The following ATG4C variants were observed in gnomAD, a reference collection of about 807,000 sequenced individuals.
ATG4C encodes the protein cysteine protease ATG4C.
ATG4C carries 56 observed loss-of-function variants against 57.6 expected under a neutral mutation model. That is an observed-to-expected ratio of 0.97 (90% CI 0.78 to 1.21). The LOEUF (loss-of-function observed/expected upper bound fraction) is 1.21. Among genes scored for constraint, ATG4C ranks in the 50% most tolerant of loss-of-function variants. ATG4C has a pLI of 0.00. For synonymous variants in ATG4C, 157 were observed against 174.1 expected (o/e 0.90, Z 0.78); for missense variants, 595 against 529.8 (o/e 1.12, Z -1.21).
At chr1:62,861,768 T>G (rs1350343806) in intron 10 of ATG4C, among the ~76,000 whole-genome samples, 1 of 152,216 alleles carries the variant, frequency 6.6e-6, no homozygotes, top group African/African-American at 2.4e-5. Flanking sequence ...TATATCTTTT[T>G]TAAGGATTAT....
rs1194137147 is a variant in ATG4C, at chr1:62,819,217, T to C, written c.607T>C (p.Trp203Arg). The change falls in exon 5 of 11, where the codon TGG becomes CGG. Residue 203 changes from tryptophan (W) to arginine (R), a missense_variant. Trp to Arg is a moderately radical substitution (Grantham distance 101, BLOSUM62 -3). Coordinates refer to ENST00000317868, the MANE Select transcript of ATG4C (RefSeq NM_032852.4). ...AGTTTATCATAGGAAAATCATCTCT[T>C]GGTTTGGTGATTCCCCCTTGGCTCT... Reference protein sequence around the residue: ...NEVYHRKIISWFGDSPLALFG... With the variant: ...NEVYHRKIISRFGDSPLALFG... 3.7e-6 allele frequency: 6 copies of C among 1,613,498 alleles called. No homozygotes were observed. Among genetic ancestry groups the C allele is most frequent in the Non-Finnish European group, 5.1e-6 (6 of 1,179,710 alleles).
intron 6 of ATG4C, among the ~76,000 whole-genome samples, chr1:62,824,866 G>T (rs919907832): frequency 6.6e-6 from 1 of 151,876 alleles, no homozygotes; most frequent in Non-Finnish European, 1.5e-5. Flanking sequence ...TGAAGGTCTC[G>T]CTATGTTGCC....
chr1:62,795,482 C>G lies in ATG4C; in HGVS notation c.-68-8237C>G, dbSNP rs1052071667. ...CATTAACCGTAAAGTTAGGAATAAA[C>G]CTCATCTGTTAGCTTTACCTTTGTT... On this transcript the variant is annotated intron_variant, in intron 1 of 10. Transcript: ENST00000317868. 2.0e-5 allele frequency among the ~76,000 whole-genome samples: 3 copies of G among 152,268 alleles called. No homozygotes were observed. The East Asian group carries it at 5.8e-4, about 29-fold the overall frequency.
At chr1:62,826,322 A>G (rs1486153843) in intron 6 of ATG4C, among the ~76,000 whole-genome samples, 2 of 135,890 alleles carry the variant, frequency 1.5e-5, no homozygotes, top group African/African-American at 2.8e-5. Flanking sequence ...TGCAAGCTCC[A>G]CCTCTCGGGT....
At chr1:62,806,461 T>C (rs1004826426) in intron 3 of ATG4C, among the ~76,000 whole-genome samples, 2 of 152,064 alleles carry the variant, frequency 1.3e-5, no homozygotes, top group African/African-American at 2.4e-5. Context: ...TTAAGTGATA[T>C]TATTTGTGAT....
chr1:62,840,285 A>G (rs1666129013), intron 9 of ATG4C, among the ~76,000 whole-genome samples: 1 of 152,130 alleles, frequency 6.6e-6, no homozygotes, highest in Non-Finnish European at 1.5e-5. Context: ...GCTCCTGAAT[A>G]GCTGGGATTG....
intron 9 of ATG4C, among the ~76,000 whole-genome samples, chr1:62,837,829 C>T (rs886750971): frequency 6.6e-6 from 1 of 152,000 alleles, no homozygotes; most frequent in Non-Finnish European, 1.5e-5. Flanking sequence ...TGCTCTGTTA[C>T]CACTCCAGTT....
intron 4 of ATG4C, among the ~76,000 whole-genome samples, chr1:62,817,277 A>T (rs1163209751): frequency 6.6e-6 from 1 of 152,180 alleles, no homozygotes; most frequent in Non-Finnish European, 1.5e-5. Context: ...ATAATGGTTT[A>T]AAAGTATTTT....
At chr1:62,840,145 G>GCTCCC (rs1020162765) in intron 9 of ATG4C, among the ~76,000 whole-genome samples, 1 of 151,960 alleles carries the variant, frequency 6.6e-6, no homozygotes, top group Admixed American at 6.6e-5. Flanking sequence ...CTCAAATCCA[G>GCTCCC]CTCCCCTCCC....
intron 10 of ATG4C, among the ~76,000 whole-genome samples, chr1:62,845,893 G>C (rs1572163726): frequency 6.6e-6 from 1 of 151,966 alleles, no homozygotes; most frequent in African/African-American, 2.4e-5. Context: ...GTAGACACAG[G>C]GTTTCACCAT....
At chr1:62,798,888 C>G (rs1230968118) in intron 1 of ATG4C, among the ~76,000 whole-genome samples, 1 of 152,098 alleles carries the variant, frequency 6.6e-6, no homozygotes, top group South Asian at 2.1e-4. Context: ...CGTGATCCAC[C>G]CACCTTGGCC....
chr1:62,848,497 C>A (rs1035330842), intron 10 of ATG4C, among the ~76,000 whole-genome samples: 2 of 152,166 alleles, frequency 1.3e-5, no homozygotes, highest in African/African-American at 2.4e-5. Flanking sequence ...ATTCTCTCAG[C>A]TTTTGTTTGA....
chr1:62,842,224 T>C (rs1666191599), intron 10 of ATG4C, among the ~76,000 whole-genome samples: 1 of 152,196 alleles, frequency 6.6e-6, no homozygotes, highest in South Asian at 2.1e-4. Context: ...TACACATAGT[T>C]TGATAGCTCT....
chr1:62,833,933 G>C (rs191902617), intron 7 of ATG4C, 105 bp from the exon 8 acceptor site: 2 of 878,026 alleles, frequency 2.3e-6, no homozygotes, highest in African/African-American at 3.4e-5. Flanking sequence ...ATGATAACTG[G>C]TAGTGGTAAA....
intron 1 of ATG4C, among the ~76,000 whole-genome samples, chr1:62,792,789 AAGG>A (rs954821016): frequency 1.3e-5 from 2 of 152,132 alleles, no homozygotes; most frequent in African/African-American, 4.8e-5. Flanking sequence ...GGATGTTTTA[AAGG>A]AGATCTTTTT....
intron 10 of ATG4C, among the ~76,000 whole-genome samples, chr1:62,860,478 G>A (rs977134913): frequency 1.3e-4 from 20 of 152,176 alleles, no homozygotes; most frequent in Admixed American, 1.0e-3. Context: ...CATTATGACA[G>A]CTGTGACAAC....
intron 10 of ATG4C, among the ~76,000 whole-genome samples, chr1:62,863,052 ATG>A (rs1666901915): frequency 6.6e-6 from 1 of 152,078 alleles, no homozygotes; most frequent in Admixed American, 6.6e-5. Context: ...TTTACTCAAA[ATG>A]TTTAATTCAT....
At chr1:62,846,864 T>C (rs1480625807) in intron 10 of ATG4C, among the ~76,000 whole-genome samples, 3 of 152,106 alleles carry the variant, frequency 2.0e-5, no homozygotes, top group Non-Finnish European at 4.4e-5. Flanking sequence ...TCAGCAGCCC[T>C]GGTAATTCTT....
chr1:62,792,829 G>A (rs1264905887), intron 1 of ATG4C, among the ~76,000 whole-genome samples: 2 of 151,940 alleles, frequency 1.3e-5, no homozygotes, highest in African/African-American at 2.4e-5. Flanking sequence ...AACCCAAGTA[G>A]TAGCTGGTTA....
Sources: gnomAD v4.1 joint callset for allele counts (sites outside exome capture counted in the v4.1 genomes callset) on GRCh38, gnomAD v4.1.1 for gene constraint, MANE v1.5 for transcripts, NCBI Gene and HGNC (gene_info 2026-07-23, HGNC 2026-07-21) for gene names.